Variants in CTCF observed in about 807,000 individuals in gnomAD.
CTCF encodes the protein transcriptional repressor CTCF.
A neutral mutation model predicts 72.3 loss-of-function variants in CTCF; 7 were observed. That is an observed-to-expected ratio of 0.10 (90% CI 0.06 to 0.18). The LOEUF (loss-of-function observed/expected upper bound fraction) is 0.18. Among genes scored for constraint, CTCF ranks in the 10% least tolerant of loss-of-function variants. CTCF has a pLI of 1.00. For synonymous variants in CTCF, 374 were observed against 315.8 expected, an observed-to-expected ratio of 1.18 and a Z score of -1.95; for missense variants, 516 against 949.1, an observed-to-expected ratio of 0.54 and a Z score of 6.00.
chr16:67,588,302 A>G (rs1172018232), intron 2 of CTCF, among the ~76,000 whole-genome samples: 1 of 152,200 alleles, frequency 6.6e-6, no homozygotes, highest in African/African-American at 2.4e-5. Flanking sequence ...TTTGTAATAC[A>G]TTTATTCAAG....
In CTCF at chr16:67,624,069, ATATGTGTG is replaced by A. The variant is rs1349474725; in HGVS notation, c.1357+2480_1358-2477del. Among the ~76,000 whole-genome samples the A allele has an allele frequency of 1.1e-3, 98 of 91,498 alleles. 1 individual carries two copies. The highest frequency in any genetic ancestry group is 1.4e-3 in the Admixed American group (11 of 7,974). The allele number at this position is 91,498 out of a possible 152,430, so 60.0% of individuals were successfully genotyped here. A position where few individuals can be genotyped will look rare whatever the true frequency, so the allele number is the denominator to read the frequency against. On this transcript the variant is annotated intron_variant, in intron 7 of 11. Coordinates refer to ENST00000264010, the MANE Select transcript of CTCF (RefSeq NM_006565.4). ...TCTCAAAAAAAAAAAAAAAAATTAT[ATATGTGTG>A]TGTGTGTGTGTGTGTGTGTGTGTGT...
intron 7 of CTCF, among the ~76,000 whole-genome samples, chr16:67,624,127 A>ATGTGTG (rs1567614109): frequency 2.4e-4 from 30 of 124,196 alleles, no homozygotes; most frequent in African/African-American, 1.0e-3. Context: ...ATGTGTGTGT[A>ATGTGTG]TATATATGTG....
At chr16:67,598,904 G>A (rs553681707) in intron 2 of CTCF, among the ~76,000 whole-genome samples, 7 of 152,338 alleles carry the variant, frequency 4.6e-5, no homozygotes, top group Non-Finnish European at 8.8e-5. Flanking sequence ...GAGCAGCTCC[G>A]TAAAGTATTG....
chr16:67,590,627 G>T (rs894968278), intron 2 of CTCF, among the ~76,000 whole-genome samples: 2 of 150,240 alleles, frequency 1.3e-5, no homozygotes, highest in Non-Finnish European at 3.0e-5. Flanking sequence ...GTGAGCCACC[G>T]TGCCCGGCCC....
At chr16:67,628,977 G>A (rs1011752224) in intron 9 of CTCF, among the ~76,000 whole-genome samples, 4 of 151,956 alleles carry the variant, frequency 2.6e-5, no homozygotes, top group Non-Finnish European at 4.4e-5. Context: ...GCGTGTACCC[G>A]GGAGGCAGAG....
chr16:67,621,045 A>G (rs2052193412), intron 6 of CTCF: 1 of 395,042 alleles, frequency 2.5e-6, no homozygotes, highest in Non-Finnish European at 4.4e-6. Flanking sequence ...CTACAACAAG[A>G]AAAATTTTAA....
intron 10 of CTCF, among the ~76,000 whole-genome samples, chr16:67,636,103 C>T (rs2052424208): frequency 6.6e-6 from 1 of 151,526 alleles, no homozygotes; most frequent in Non-Finnish European, 1.5e-5. Context: ...TGGCTGGGCA[C>T]GTTGGCTCAT....
At chr16:67,611,666 A>G in intron 3 of CTCF, 53 bp downstream of exon 3, 1 of 1,502,676 alleles carries the variant, frequency 6.7e-7, no homozygotes, top group Non-Finnish European at 9.1e-7. Context: ...GGATAAGCAT[A>G]CAACACAGTG....
intron 3 of CTCF, 68 bp downstream of exon 3, chr16:67,611,681 T>C (rs1437832291): frequency 8.5e-6 from 12 of 1,413,882 alleles, no homozygotes; most frequent in Non-Finnish European, 1.1e-5. Flanking sequence ...ACAGTGCATA[T>C]GCAAGTTGTT....
At position 67,639,009 on chromosome 16, in the gene CTCF, C is replaced by T. The variant is rs1340739504; in HGVS notation, c.*1137C>T. 5 of 202,954 alleles carry T rather than the reference C, an allele frequency of 2.5e-5. No homozygotes were observed. The East Asian group carries it at 3.8e-4, about 15-fold the overall frequency. 12.6% of individuals were successfully genotyped at this position (202,954 alleles called of 1,614,324 possible). ...TGCTTTTAAGAGAGCCATCAGTTAGCTATCAGACTCTAGGTTGATGCATTT... is the reference window on the plus strand; with the variant it reads ...TGCTTTTAAGAGAGCCATCAGTTAGTTATCAGACTCTAGGTTGATGCATTT... On this transcript the variant is annotated 3_prime_UTR_variant, in exon 12 of 12. Transcript: ENST00000264010.
At chr16:67,598,160 A>G (rs1040844862) in intron 2 of CTCF, among the ~76,000 whole-genome samples, 1 of 151,914 alleles carries the variant, frequency 6.6e-6, no homozygotes, top group African/African-American at 2.4e-5. Context: ...AAGTTTTTGT[A>G]GAGATGGTGT....
chr16:67,591,408 A>G (rs2051742255), intron 2 of CTCF, among the ~76,000 whole-genome samples: 1 of 152,180 alleles, frequency 6.6e-6, no homozygotes, highest in African/African-American at 2.4e-5. Flanking sequence ...AGAAATGGTC[A>G]CTATTATTTT....
chr16:67,620,838 A>G lies in CTCF; in HGVS notation c.1207+21A>G, dbSNP rs754517063. ...TTCAGGTAGGACTTCTCCACTCCTT[A>G]CTGTATTAATGAGCTTCTTTTCAGT... On this transcript the variant is annotated intron_variant, in intron 6 of 11. Coordinates refer to ENST00000264010, the MANE Select transcript of CTCF (RefSeq NM_006565.4). 2.6e-6 allele frequency: 4 copies of G among 1,554,542 alleles called. No individual in the cohort carries two copies. The African/African-American group carries it at 4.1e-5, about 16-fold the overall frequency.
rs147878421 is a variant in CTCF, at chr16:67,629,256, T to C, written c.1702-142T>C. ...AGAACCCAGCCTTATCCATTTCCCC[T>C]GAGCAGAGACAGCGTGTTCAGGACA... is the stretch of plus-strand genomic sequence containing the variant. On this transcript the variant is annotated intron_variant, in intron 9 of 11. Transcript: ENST00000264010. The C allele has an allele frequency of 2.3e-3, 1,628 of 722,116 alleles. 1 individual carries two copies. The highest frequency in any genetic ancestry group is 3.2e-3 in the Non-Finnish European group (1,454 of 450,884). The allele number at this position is 722,116 out of a possible 1,614,324, so 44.7% of individuals were successfully genotyped here.
chr16:67,621,397 ATTTATTCATTTC>A (rs2052197132), intron 6 of CTCF, 33 bp from the exon 7 acceptor site: 1 of 1,404,568 alleles, frequency 7.1e-7, no homozygotes, highest in African/African-American at 1.4e-5. Flanking sequence ...AAATTACAGT[ATTTATTCATTTC>A]ATTTATGTGT....
chr16:67,611,109 A>G lies in CTCF; in HGVS notation c.277A>G (p.Thr93Ala). Residue 93 changes from threonine (T) to alanine (A), a missense_variant, in exon 3 of 12, where the codon ACC (threonine) becomes GCC (alanine). Thr to Ala is a moderately conservative substitution (Grantham distance 58, BLOSUM62 0). Around this residue, in one of 7 missense-constraint regions of CTCF, gnomAD observed 148 missense variants for 194.9 expected, o/e 0.76. Transcript: ENST00000264010. ...APEAEAAVDD[T>A]QIITLQVVNM... is the part of the protein sequence containing the mutation. ...AGAAGCAGAGGCTGCTGTGGACGAT[A>G]CCCAGATTATAACTTTACAGGTTGT... 1 of 1,614,214 alleles carries G rather than the reference A, an allele frequency of 6.2e-7. No individual in the cohort carries two copies. The highest frequency in any genetic ancestry group is 2.2e-5 in the East Asian group (1 of 44,882).
chr16:67,574,750 C>A (rs1426574164), intron 2 of CTCF, among the ~76,000 whole-genome samples: 1 of 150,146 alleles, frequency 6.7e-6, no homozygotes, highest in African/African-American at 2.5e-5. Context: ...GCTCCGCATC[C>A]CAGGTTCACA....
rs868321454 is a variant in CTCF, at chr16:67,638,233, C to T, written c.*361C>T. On this transcript the variant is annotated 3_prime_UTR_variant, in exon 12 of 12. Coordinates refer to ENST00000264010, the MANE Select transcript of CTCF (RefSeq NM_006565.4). The stretch of plus-strand genomic sequence containing the variant: ...TTCCCAGAGTTCTATGGTCTTCTTC[C>T]CAAGAGAGTTTTTAATTGTAAATGC... 4 of 263,018 alleles carry T rather than the reference C, an allele frequency of 1.5e-5. No individual in the cohort carries two copies. The highest frequency in any genetic ancestry group is 2.2e-5 in the African/African-American group (1 of 46,144). The allele number at this position is 263,018 out of a possible 1,614,324, so 16.3% of individuals were successfully genotyped here.
intron 2 of CTCF, among the ~76,000 whole-genome samples, chr16:67,600,261 CAG>C (rs1438742752): frequency 3.3e-5 from 5 of 151,750 alleles, no homozygotes; most frequent in African/African-American, 1.2e-4. Context: ...TTTTGAGGAA[CAG>C]AGTCTCACTC....
Sources: gnomAD v4.1 joint callset for allele counts (sites outside exome capture counted in the v4.1 genomes callset) on GRCh38, gnomAD v4.1.1 for gene constraint, gnomAD v4.1.1 regional missense constraint, MANE v1.5 for transcripts, NCBI Gene and HGNC (gene_info 2026-07-23, HGNC 2026-07-21) for gene names.